Variants in STK32A observed in about 807,000 individuals in gnomAD.
STK32A encodes the protein serine/threonine-protein kinase 32A.
STK32A carries 41 observed loss-of-function variants against 53.2 expected under a neutral mutation model. That is an observed-to-expected ratio of 0.77 (90% CI 0.60 to 1.00). The LOEUF (loss-of-function observed/expected upper bound fraction) is 1.00, where lower values mean the gene tolerates loss of function less well. Among genes scored for constraint, STK32A ranks in the 50% least tolerant of loss-of-function variants. The pLI is 0.00. For missense variants in STK32A, 458 were observed against 485.8 expected (o/e 0.94, Z 0.54); for synonymous variants, 166 against 162.8 (o/e 1.02, Z -0.15).
chr5:147,348,884 C>G, intron 6 of STK32A: 1 of 612,942 alleles, frequency 1.6e-6, no homozygotes, highest in South Asian at 1.8e-5. Context: ...CTAATAACCT[C>G]TTGAGAAGAC....
intron 4 of STK32A, among the ~76,000 whole-genome samples, chr5:147,308,162 A>ATATG (rs1554103722): frequency 9.3e-5 from 12 of 129,524 alleles, no homozygotes; most frequent in African/African-American, 3.0e-4. Context: ...ATATATATAT[A>ATATG]TGTGTGTACA....
At chr5:147,373,111 A>ATT in intron 9 of STK32A, 58 bp from the exon 10 acceptor site, 2 of 1,577,488 alleles carry the variant, frequency 1.3e-6, no homozygotes, top group Admixed American at 1.8e-5. Context: ...AATTTGTATG[A>ATT]TTTTTTTTTG....
At chr5:147,397,426 A>G in the STK32A span, among the ~76,000 whole-genome samples, 1 of 152,200 alleles carries the variant, frequency 6.6e-6, no homozygotes, top group Non-Finnish European at 1.5e-5. Context: ...TATTTTTAAT[A>G]AAGTACTATA....
At chr5:147,354,791 A>G (rs1234321650) in intron 7 of STK32A, among the ~76,000 whole-genome samples, 1 of 152,206 alleles carries the variant, frequency 6.6e-6, no homozygotes, top group African/African-American at 2.4e-5. Flanking sequence ...TCTTAAAAGG[A>G]AGATTAATGA....
intron 5 of STK32A, among the ~76,000 whole-genome samples, chr5:147,332,395 G>A (rs1284770974): frequency 6.7e-6 from 1 of 148,766 alleles, no homozygotes; most frequent in African/African-American, 2.5e-5. Context: ...GTGTTGTTTT[G>A]CTTTTATATA....
rs1487276103 is a variant in STK32A, at chr5:147,279,191, A to G, written c.109-56A>G. The G allele has an allele frequency of 1.2e-5, 19 of 1,532,664 alleles. No individual in the cohort carries two copies. The Admixed American group carries it at 2.7e-4, about 22-fold the overall frequency. 94.9% of individuals were successfully genotyped at this position (1,532,664 alleles called of 1,614,324 possible). A position where few individuals can be genotyped will look rare whatever the true frequency, so the allele number is the denominator to read the frequency against. Reference sequence around the variant, plus strand: ...AAGAACATGTCTTGTTCTGTCTCTCATCACCATGATCCATTATCTCCCTAA... The same window carrying G: ...AAGAACATGTCTTGTTCTGTCTCTCGTCACCATGATCCATTATCTCCCTAA... On this transcript the variant is annotated intron_variant, in intron 3 of 12. Transcript: ENST00000397936.
intron 6 of STK32A, among the ~76,000 whole-genome samples, chr5:147,343,617 C>T (rs1755546021): frequency 1.3e-5 from 2 of 152,084 alleles, no homozygotes; most frequent in Non-Finnish European, 2.9e-5. Context: ...GTGACTGTCA[C>T]GAAGAAATCA....
intron 5 of STK32A, among the ~76,000 whole-genome samples, chr5:147,324,344 A>C (rs866999166): frequency 6.6e-6 from 1 of 152,326 alleles, no homozygotes; most frequent in East Asian, 1.9e-4. Context: ...AAAGGAGAAA[A>C]GGTGACATAT....
chr5:147,272,153 A>G (rs528674536), intron 2 of STK32A, among the ~76,000 whole-genome samples: 33 of 152,236 alleles, frequency 2.2e-4, no homozygotes, highest in African/African-American at 7.7e-4. Flanking sequence ...CTACGTGACT[A>G]TCAGGGGCAG....
At chr5:147,400,955 C>T in the STK32A span, 2 of 1,261,694 alleles carry the variant, frequency 1.6e-6, no homozygotes, top group Admixed American at 2.6e-5. Context: ...AATGCCTCCT[C>T]TACCTCTTAC....
chr5:147,300,009 G>A (rs1326080381), intron 4 of STK32A, among the ~76,000 whole-genome samples: 1 of 152,050 alleles, frequency 6.6e-6, no homozygotes. Context: ...TCTCTTCTCA[G>A]TGGCTTTCCT....
the STK32A span, among the ~76,000 whole-genome samples, chr5:147,394,405 G>A: frequency 6.6e-6 from 1 of 152,172 alleles, no homozygotes; most frequent in African/African-American, 2.4e-5. Context: ...ACAAAGACGT[G>A]ACACTCATTG....
chr5:147,381,784 C>T (rs1251514313), intron 11 of STK32A, among the ~76,000 whole-genome samples: 1 of 151,944 alleles, frequency 6.6e-6, no homozygotes, highest in South Asian at 2.1e-4. Flanking sequence ...TTCTGTTTTC[C>T]TTTTTCTCTC....
intron 5 of STK32A, among the ~76,000 whole-genome samples, chr5:147,335,997 T>A (rs991949595): frequency 6.6e-6 from 1 of 152,182 alleles, no homozygotes; most frequent in Non-Finnish European, 1.5e-5. Flanking sequence ...GACTACAGAA[T>A]TAATACTCTT....
intron 4 of STK32A, among the ~76,000 whole-genome samples, chr5:147,280,106 T>C (rs1045604875): frequency 1.3e-5 from 2 of 152,066 alleles, no homozygotes; most frequent in Non-Finnish European, 1.5e-5. Flanking sequence ...AGAAAGGCCC[T>C]GGGAGCTTGC....
At chr5:147,321,712 G>A (rs1427076734) in intron 4 of STK32A, among the ~76,000 whole-genome samples, 2 of 152,146 alleles carry the variant, frequency 1.3e-5, no homozygotes, top group Non-Finnish European at 2.9e-5. Context: ...TGGAATAATA[G>A]GAGAAGAGTC....
At chr5:147,399,311 C>A in the STK32A span, 1 of 1,524,366 alleles carries the variant, frequency 6.6e-7, no homozygotes, top group Admixed American at 2.0e-5. Context: ...CAATTCAGGG[C>A]TTCTGAACTC....
intron 4 of STK32A, among the ~76,000 whole-genome samples, chr5:147,308,145 T>G (rs1753511289): frequency 4.1e-5 from 1 of 24,258 alleles, no homozygotes; most frequent in Admixed American, 3.4e-4. Flanking sequence ...ATTTTATATA[T>G]ATATATATAT....
intron 2 of STK32A, among the ~76,000 whole-genome samples, chr5:147,270,429 G>T (rs1157586644): frequency 3.9e-5 from 6 of 151,976 alleles, no homozygotes; most frequent in Admixed American, 3.9e-4. Context: ...GCTCAGGCTG[G>T]TCTCTAACTC....
Sources: gnomAD v4.1 joint callset for allele counts (sites outside exome capture counted in the v4.1 genomes callset) on GRCh38, gnomAD v4.1.1 for gene constraint, MANE v1.5 for transcripts, NCBI Gene and HGNC (gene_info 2026-07-23, HGNC 2026-07-21) for gene names.